SH3BP5: variants seen among roughly 807,000 people sequenced by gnomAD.
The protein encoded by SH3BP5 is SH3 domain binding protein 5, also known as SH3 domain-binding protein 5.
Under a neutral mutation model 43.3 loss-of-function variants are expected in SH3BP5, and 22 were observed. The observed-to-expected ratio is 0.51, with a 90% confidence interval of 0.36 to 0.73. SH3BP5 has a LOEUF of 0.73. SH3BP5 is among the 30% of genes least tolerant of loss of function. The probability of loss-of-function intolerance (pLI) is 0.00; values close to 1 mark genes in which losing one functional copy is unlikely to be tolerated. For synonymous variants in SH3BP5, 255 were observed against 225.8 expected, an observed-to-expected ratio of 1.13 and a Z score of -1.16; for missense variants, 529 against 586.9, an observed-to-expected ratio of 0.90 and a Z score of 1.02.
Position 15,255,966 on chromosome 3 carries a change from C to G in SH3BP5, c.*120G>C, listed in dbSNP as rs1696179220. The G allele has an allele frequency of 2.3e-6, 2 of 873,758 alleles. No individual in the cohort carries two copies. The highest frequency in any genetic ancestry group is 1.8e-6 in the Non-Finnish European group (1 of 552,974). The allele number at this position is 873,758 out of a possible 1,614,324, so 54.1% of individuals were successfully genotyped here. On this transcript the variant is annotated 3_prime_UTR_variant, in exon 9 of 9. Transcript: ENST00000383791. Reference sequence around the variant, plus strand: ...TTAGCCCTCAAGGTCACTGAAACTTCATTAGAGCAGTTTAGAGTAGACGTG... The same window carrying G: ...TTAGCCCTCAAGGTCACTGAAACTTGATTAGAGCAGTTTAGAGTAGACGTG...
chr3:15,321,515 CTT>C (rs34363123), intron 2 of SH3BP5, among the ~76,000 whole-genome samples: 215 of 143,936 alleles, frequency 1.5e-3, no homozygotes, highest in African/African-American at 4.9e-3. Flanking sequence ...CTTATAAAGA[CTT>C]TTTTTTTTTT....
At chr3:15,270,647 C>T (rs1696770675) in intron 3 of SH3BP5, among the ~76,000 whole-genome samples, 1 of 152,086 alleles carries the variant, frequency 6.6e-6, no homozygotes, top group African/African-American at 2.4e-5. Flanking sequence ...TGTGATTAAT[C>T]CCAGCCAGGT....
chr3:15,337,107 T>TTG (rs1278085347), upstream of SH3BP5, among the ~76,000 whole-genome samples: 10 of 149,130 alleles, frequency 6.7e-5, no homozygotes, highest in African/African-American at 2.5e-4. Context: ...TTTTTTTTTT[T>TTG]GGGACAGAGT....
chr3:15,314,156 G>A (rs1234518152), intron 2 of SH3BP5, among the ~76,000 whole-genome samples: 1 of 151,776 alleles, frequency 6.6e-6, no homozygotes, highest in African/African-American at 2.4e-5. Flanking sequence ...TTTTTGGGAT[G>A]GAGTCTCACT....
intron 1 of SH3BP5, 111 bp from the exon 2 acceptor site, chr3:15,330,677 G>A (rs1373695310): frequency 7.9e-5 from 110 of 1,396,412 alleles, no homozygotes; most frequent in Non-Finnish European, 1.0e-4. Flanking sequence ...CAGGAAAAGG[G>A]AAGAATCAGA....
At chr3:15,312,033 C>T (rs945281712) in intron 2 of SH3BP5, among the ~76,000 whole-genome samples, 8 of 151,612 alleles carry the variant, frequency 5.3e-5, no homozygotes, top group African/African-American at 1.9e-4. Context: ...CGTGGTCTGG[C>T]GAAACCACTG....
At chr3:15,294,317 G>A (rs1008278098) in intron 3 of SH3BP5, among the ~76,000 whole-genome samples, 59 of 145,374 alleles carry the variant, frequency 4.1e-4, no homozygotes, top group African/African-American at 1.6e-3. Context: ...GTGTGTGTGT[G>A]TGTGTGTGTG....
In SH3BP5 at chr3:15,272,860, C is replaced by A. The variant is rs557291271; in HGVS notation, c.331-2983G>T. Among the ~76,000 whole-genome samples the A allele has an allele frequency of 6.6e-4, 101 of 152,294 alleles. 1 individual carries two copies. Among genetic ancestry groups the A allele is most frequent in the Non-Finnish European group, 1.2e-3 (82 of 68,022 alleles). ...CTCACCATGTGGCCCTGGGACCAGT[C>A]GCCCACTTCCACTCAGGTGTGCCTC... On this transcript the variant is annotated intron_variant, in intron 3 of 8. Coordinates refer to ENST00000383791, the MANE Select transcript of SH3BP5 (RefSeq NM_004844.5).
upstream of SH3BP5, among the ~76,000 whole-genome samples, chr3:15,336,745 A>T (rs962356672): frequency 7.2e-5 from 11 of 152,114 alleles, no homozygotes; most frequent in African/African-American, 2.7e-4. Context: ...ATTTTCCTAT[A>T]GTATAGTCTC....
upstream of SH3BP5, among the ~76,000 whole-genome samples, chr3:15,334,678 T>C (rs1343878319): frequency 6.6e-6 from 1 of 152,174 alleles, no homozygotes; most frequent in Non-Finnish European, 1.5e-5. Flanking sequence ...GGGCTGCTCA[T>C]GGTGGTTCAT....
intron 3 of SH3BP5, among the ~76,000 whole-genome samples, chr3:15,301,437 G>A (rs762247867): frequency 7.2e-5 from 11 of 152,136 alleles, no homozygotes; most frequent in Non-Finnish European, 1.5e-4. Flanking sequence ...CCAGCAAGGA[G>A]CCAAACGAAT....
intron 2 of SH3BP5, among the ~76,000 whole-genome samples, chr3:15,314,819 C>T (rs1698147267): frequency 6.6e-6 from 1 of 152,186 alleles, no homozygotes; most frequent in Non-Finnish European, 1.5e-5. Flanking sequence ...TCCCCTTCCC[C>T]TGAGTCCTTT....
intron 1 of SH3BP5, chr3:15,330,770 G>A: frequency 1.0e-6 from 1 of 984,884 alleles, no homozygotes; most frequent in Non-Finnish European, 1.2e-6. Flanking sequence ...TCTTGAGGGT[G>A]TCCCTTTTGA....
chr3:15,268,754 G>A (rs988642470), intron 4 of SH3BP5, among the ~76,000 whole-genome samples: 1 of 152,180 alleles, frequency 6.6e-6, no homozygotes, highest in African/African-American at 2.4e-5. Flanking sequence ...AAATTCTTAT[G>A]TTGAAACTGA....
intron 2 of SH3BP5, among the ~76,000 whole-genome samples, chr3:15,320,439 C>T (rs1698293005): frequency 6.6e-6 from 1 of 152,086 alleles, no homozygotes; most frequent in African/African-American, 2.4e-5. Context: ...TTCTGTGATA[C>T]TCTTGGTTAA....
chr3:15,333,732 C>A (rs1437475315), upstream of SH3BP5, among the ~76,000 whole-genome samples: 2 of 152,194 alleles, frequency 1.3e-5, no homozygotes, highest in African/African-American at 4.8e-5. Context: ...CACGCTGGCA[C>A]TGTAGTCCAC....
chr3:15,329,625 T>G (rs1202383934), intron 2 of SH3BP5, among the ~76,000 whole-genome samples: 1 of 152,212 alleles, frequency 6.6e-6, no homozygotes, highest in Admixed American at 6.5e-5. Context: ...TCTCCCACAC[T>G]CTCACTCTTA....
chr3:15,318,026 C>G (rs1457775121), intron 2 of SH3BP5, among the ~76,000 whole-genome samples: 1 of 152,158 alleles, frequency 6.6e-6, no homozygotes, highest in African/African-American at 2.4e-5. Context: ...TTTCTGGATT[C>G]ATTATACATC....
rs892258411 is a variant in SH3BP5, at chr3:15,258,592, A to G, written c.889+239T>C. ...CAAATGTATACTTTGACTCTCAAAG[A>G]GGAGTGAAGGTGTAACATTTTCCCA... is the stretch of plus-strand genomic sequence containing the variant. On this transcript the variant is annotated intron_variant, in intron 7 of 8. Coordinates refer to ENST00000383791, the MANE Select transcript of SH3BP5 (RefSeq NM_004844.5). 8 of 548,168 alleles carry G rather than the reference A, an allele frequency of 1.5e-5. No individual in the cohort carries two copies. The African/African-American group carries it at 1.5e-4, about 10-fold the overall frequency. 34.0% of individuals were successfully genotyped at this position (548,168 alleles called of 1,614,324 possible). A position where few individuals can be genotyped will look rare whatever the true frequency, so the allele number is the denominator to read the frequency against.
Sources: allele counts gnomAD v4.1 joint callset (sites outside exome capture counted in the v4.1 genomes callset), GRCh38; gene constraint gnomAD v4.1.1; transcripts MANE v1.5; gene names NCBI Gene and HGNC (gene_info 2026-07-23, HGNC 2026-07-21).